BCAS3: variants seen among roughly 807,000 people sequenced by gnomAD.
BCAS3 encodes the protein BCAS3 microtubule associated cell migration factor.
In BCAS3, 53 loss-of-function variants were observed where a neutral mutation model predicts 116.1. The ratio of observed to expected loss-of-function variants is 0.46; its 90% confidence interval spans 0.37 to 0.57. The LOEUF (loss-of-function observed/expected upper bound fraction) is 0.57, where lower values mean the gene tolerates loss of function less well. Among genes scored for constraint, BCAS3 ranks in the 20% least tolerant of loss-of-function variants. BCAS3 has a pLI of 0.00. For missense variants in BCAS3, 917 were observed against 1,165.4 expected (o/e 0.79, Z 3.10); for synonymous variants, 391 against 408.2 (o/e 0.96, Z 0.51).
chr17:60,960,186 A>T lies in BCAS3; in HGVS notation c.1221+12834A>T, dbSNP rs2061345516. On this transcript the variant is annotated intron_variant, in intron 14 of 23. Transcript: ENST00000407086. The surrounding 1 kb of genome is among the most constrained non-coding windows in gnomAD (Gnocchi z 4.1). ...GAATTCATGTTCATGCCATATGCTA[A>T]GTATTACCTCTTTTCCCTACCAACA... Among the ~76,000 whole-genome samples, 1 of 152,160 alleles carries T rather than the reference A, an allele frequency of 6.6e-6. No homozygotes were observed. Among genetic ancestry groups the T allele is most frequent in the Non-Finnish European group, 1.5e-5 (1 of 68,018 alleles).
intron 22 of BCAS3, among the ~76,000 whole-genome samples, chr17:61,100,654 C>A (rs2074266767): frequency 6.6e-6 from 1 of 152,094 alleles, no homozygotes; most frequent in African/African-American, 2.4e-5. Context: ...AGGCACTCAG[C>A]AAATGTTAAT....
At chr17:60,763,603 T>G (rs1465278277) in intron 6 of BCAS3, among the ~76,000 whole-genome samples, 1 of 152,186 alleles carries the variant, frequency 6.6e-6, no homozygotes, top group Non-Finnish European at 1.5e-5. Flanking sequence ...TTTGCCAGTA[T>G]TTTATTGAGG....
intron 5 of BCAS3, among the ~76,000 whole-genome samples, chr17:60,713,136 A>G (rs2038132592): frequency 6.6e-6 from 1 of 152,158 alleles, no homozygotes; most frequent in African/African-American, 2.4e-5. Context: ...TGTGAGGGAG[A>G]AGCAGGAGAA....
intron 9 of BCAS3, among the ~76,000 whole-genome samples, chr17:60,880,181 C>G (rs1462019603): frequency 2.0e-5 from 3 of 152,130 alleles, no homozygotes; most frequent in African/African-American, 7.2e-5. Context: ...TATGAGAGTC[C>G]TTAATCAGCT....
chr17:61,170,395 C>A (rs1236160564), intron 22 of BCAS3, among the ~76,000 whole-genome samples: 2 of 151,996 alleles, frequency 1.3e-5, no homozygotes, highest in Non-Finnish European at 2.9e-5. Context: ...AGGGTTCACA[C>A]CATTCTCCTG....
In BCAS3 at chr17:60,864,289, A is replaced by G. The variant is rs574011919; in HGVS notation, c.477-4287A>G. Among the ~76,000 whole-genome samples, 10 of 152,340 alleles carry G rather than the reference A, an allele frequency of 6.6e-5. No individual in the cohort carries two copies. The South Asian group carries it at 2.1e-3, about 32-fold the overall frequency. On this transcript the variant is annotated intron_variant, in intron 7 of 23. Transcript: ENST00000407086. ...ATGGAAATTGGATTATAATGAAGCT[A>G]GAGGTTCTTCAGAGGTCGATTAAAC...
intron 14 of BCAS3, among the ~76,000 whole-genome samples, chr17:60,977,057 G>A (rs1489612254): frequency 1.3e-5 from 2 of 151,902 alleles, no homozygotes; most frequent in Non-Finnish European, 2.9e-5. Context: ...GGTGGCGGCC[G>A]GGCGGGGGCT....
chr17:61,260,736 A>G (rs1270233694), intron 22 of BCAS3, among the ~76,000 whole-genome samples: 1 of 152,266 alleles, frequency 6.6e-6, no homozygotes, highest in Non-Finnish European at 1.5e-5. Context: ...ACCGACTAAC[A>G]TAGTTTAGTA....
chr17:61,013,404 A>G lies in BCAS3; in HGVS notation c.1487-2347A>G, dbSNP rs2065235872. ...ATTTCAAATTCAAGTTAATATTAGC[A>G]TAGTTGTCTAATAGCGATTTTATAA... On this transcript the variant is annotated intron_variant, in intron 15 of 23. Coordinates refer to ENST00000407086, the MANE Select transcript of BCAS3 (RefSeq NM_017679.5). The surrounding 1 kb of genome is among the most constrained non-coding windows in gnomAD (Gnocchi z 4.4). 6.6e-6 allele frequency among the ~76,000 whole-genome samples: 1 copy of G among 152,146 alleles called. No individual in the cohort carries two copies.
chr17:60,988,491 A>G (rs2063325767), intron 14 of BCAS3, among the ~76,000 whole-genome samples: 1 of 151,788 alleles, frequency 6.6e-6, no homozygotes, highest in Admixed American at 6.6e-5. Flanking sequence ...GATATTTGGT[A>G]AAACATCTAA....
intron 22 of BCAS3, among the ~76,000 whole-genome samples, chr17:61,270,024 C>T (rs960237955): frequency 2.0e-5 from 3 of 150,968 alleles, no homozygotes; most frequent in African/African-American, 7.3e-5. Context: ...AGGCTGGTCT[C>T]AAACTCCTTG....
chr17:60,947,291 C>T lies in BCAS3; in HGVS notation c.1160C>T (p.Ser387Phe). Residue 387 changes from serine to phenylalanine, a missense_variant, in exon 14 of 24, where the codon TCC (serine) becomes TTC (phenylalanine). Transcript: ENST00000407086. The part of the protein sequence containing the change: ...HVFQILTHPW[S>F]SSQCAVHHLY... ...TTCCAAATTCTGACTCATCCTTGGT[C>T]CTCATCACAATGTGCTGTCCACCAT... 6.2e-7 allele frequency: 1 copy of T among 1,612,890 alleles called. No homozygotes were observed. The highest frequency in any genetic ancestry group is 8.5e-7 in the Non-Finnish European group (1 of 1,178,926).
chr17:61,080,805 G>A (rs1043084032), intron 21 of BCAS3, among the ~76,000 whole-genome samples: 4 of 152,154 alleles, frequency 2.6e-5, no homozygotes, highest in African/African-American at 9.7e-5. Context: ...GATTCATCAA[G>A]AAGAATGTAT....
Position 61,020,436 on chromosome 17 carries a change from C to T in BCAS3, c.1637+4535C>T, listed in dbSNP as rs766213234. On this transcript the variant is annotated intron_variant, in intron 16 of 23. Coordinates refer to ENST00000407086, the MANE Select transcript of BCAS3 (RefSeq NM_017679.5). This position sits in a 1 kb window ranked among gnomAD's most constrained non-coding sequence, Gnocchi z 4.5. ...TTTTGGCAACAGCTGCTGCTTAACTCTGTGACAGTATACATTGATGGAGGT... is the reference window on the plus strand; with the variant it reads ...TTTTGGCAACAGCTGCTGCTTAACTTTGTGACAGTATACATTGATGGAGGT... Among the ~76,000 whole-genome samples the T allele has an allele frequency of 6.6e-6, 1 of 152,182 alleles. No individual in the cohort carries two copies. Among genetic ancestry groups the T allele is most frequent in the African/African-American group, 2.4e-5 (1 of 41,440 alleles).
chr17:61,187,483 C>A (rs2144206119), intron 22 of BCAS3, among the ~76,000 whole-genome samples: 1 of 152,292 alleles, frequency 6.6e-6, no homozygotes, highest in Non-Finnish European at 1.5e-5. Flanking sequence ...AAAGTTTTTC[C>A]TTCTAAAACA....
intron 5 of BCAS3, among the ~76,000 whole-genome samples, chr17:60,710,855 G>A (rs571653621): frequency 1.4e-4 from 21 of 150,558 alleles, no homozygotes; most frequent in Admixed American, 9.2e-4. Flanking sequence ...CAGGCTCGAG[G>A]GCAGTGGCAT....
At chr17:60,807,196 C>T (rs2048355085) in intron 6 of BCAS3, among the ~76,000 whole-genome samples, 1 of 151,956 alleles carries the variant, frequency 6.6e-6, no homozygotes, top group African/African-American at 2.4e-5. Flanking sequence ...TTTTATACTG[C>T]CAAACTATTA....
intron 22 of BCAS3, among the ~76,000 whole-genome samples, chr17:61,329,443 C>T (rs1169238291): frequency 1.3e-5 from 2 of 151,534 alleles, no homozygotes; most frequent in Non-Finnish European, 2.9e-5. Context: ...CGAGTTCACG[C>T]CATTCTCCTG....
chr17:61,356,538 T>C lies in BCAS3; in HGVS notation c.2426-11789T>C, dbSNP rs2058149251. Reference sequence around the variant, plus strand: ...GGGACCTACACTGATGACTGATCTCTTGGGCTCACAGCCCTGCTCAATGAC... The same window carrying C: ...GGGACCTACACTGATGACTGATCTCCTGGGCTCACAGCCCTGCTCAATGAC... On this transcript the variant is annotated intron_variant, in intron 22 of 23. Coordinates refer to ENST00000407086, the MANE Select transcript of BCAS3 (RefSeq NM_017679.5). This position sits in a 1 kb window ranked among gnomAD's most constrained non-coding sequence, Gnocchi z 5.4. Among the ~76,000 whole-genome samples the C allele has an allele frequency of 6.6e-6, 1 of 152,216 alleles. No individual in the cohort carries two copies. Among genetic ancestry groups the C allele is most frequent in the African/African-American group, 2.4e-5 (1 of 41,466 alleles).
Sources: gnomAD v4.1 joint callset for allele counts (sites outside exome capture counted in the v4.1 genomes callset) on GRCh38, gnomAD v4.1.1 for gene constraint, Gnocchi (gnomAD v3.1) non-coding constraint, MANE v1.5 for transcripts, NCBI Gene and HGNC (gene_info 2026-07-23, HGNC 2026-07-21) for gene names.